The following MALT1 variants were observed in gnomAD, a reference collection of about 807,000 sequenced individuals.
MALT1 encodes MALT1 paracaspase.
MALT1 carries 36 observed loss-of-function variants against 85.5 expected under a neutral mutation model. The observed-to-expected ratio is 0.42, with a 90% CI of 0.32 to 0.56. The LOEUF (loss-of-function observed/expected upper bound fraction) is 0.56. MALT1 is among the 20% of genes least tolerant of loss of function. MALT1 has a pLI of 0.10. For synonymous variants in MALT1, 359 were observed against 361.3 expected, an observed-to-expected ratio of 0.99 and a Z score of 0.07; for missense variants, 716 against 981.6, an observed-to-expected ratio of 0.73 and a Z score of 3.62.
At chr18:58,733,367 C>G (rs2055179740) in intron 10 of MALT1, 30 bp from the exon 11 acceptor site, 1 of 1,446,728 alleles carries the variant, frequency 6.9e-7, no homozygotes, top group Non-Finnish European at 9.5e-7. Flanking sequence ...GAATTGACAT[C>G]TATCTCTCTC....
rs2055477398 is a variant in MALT1, at chr18:58,753,718, CAAT to C, written c.*5877_*5879del. On this transcript the variant is annotated 3_prime_UTR_variant, in exon 17 of 17. Coordinates refer to ENST00000649217, the MANE Select transcript of MALT1 (RefSeq NM_006785.4). ...TGTCTTGCAGATTTTACACAGTGAA[CAAT>C]GACTGTATAATTTTAAAATACAGAT... 2 of 152,178 alleles carry C rather than the reference CAAT, an allele frequency of 1.3e-5. No homozygotes were observed. The highest frequency in any genetic ancestry group is 4.8e-5 in the African/African-American group (2 of 41,446). 9.4% of individuals were successfully genotyped at this position (152,178 alleles called of 1,614,324 possible).
rs761727686 is a variant in MALT1 at position 58,733,784 on chromosome 18, AG to A, written c.1400+211del. On this transcript the variant is annotated intron_variant, in intron 11 of 16. Transcript: ENST00000649217. Reference sequence around the variant, plus strand: ...CATATTTGCTATAGAACACAAATGAAGAACTAAAGGGCATGGGCATTTACTC... The same window carrying A: ...CATATTTGCTATAGAACACAAATGAAAACTAAAGGGCATGGGCATTTACTC... 749 of 782,794 alleles carry A rather than the reference AG, an allele frequency of 9.6e-4. 2 individuals carry two copies. Among genetic ancestry groups the A allele is most frequent in the South Asian group, 2.0e-3 (84 of 42,862 alleles). The allele number at this position is 782,794 out of a possible 1,614,324, so 48.5% of individuals were successfully genotyped here.
chr18:58,672,502 C>G (rs2054179255), intron 1 of MALT1: 1 of 152,096 alleles, frequency 6.6e-6, no homozygotes, highest in Admixed American at 6.5e-5. Context: ...TCTCGAGACT[C>G]CTTTACCCTC....
intron 2 of MALT1, among the ~76,000 whole-genome samples, chr18:58,685,281 G>A (rs1017688581): frequency 6.6e-5 from 10 of 152,150 alleles, no homozygotes; most frequent in Non-Finnish European, 1.2e-4. Context: ...GTTATGCTGT[G>A]AACTGGCCTT....
At chr18:58,688,386 A>T (rs1240249849) in intron 2 of MALT1, among the ~76,000 whole-genome samples, 4 of 151,868 alleles carry the variant, frequency 2.6e-5, no homozygotes, top group African/African-American at 9.7e-5. Flanking sequence ...TTAGATGTAC[A>T]TTAAAAGCTA....
intron 7 of MALT1, 41 bp from the exon 8 acceptor site, chr18:58,714,042 T>C (rs1156505589): frequency 1.1e-6 from 1 of 939,956 alleles, no homozygotes; most frequent in Non-Finnish European, 1.7e-6. Flanking sequence ...GCTAAATTGG[T>C]GTTTAGATTA....
chr18:58,751,465 T>C lies in MALT1; in HGVS notation c.*3623T>C, dbSNP rs1401470224. 1 of 151,998 alleles carries C rather than the reference T, an allele frequency of 6.6e-6. No individual in the cohort carries two copies. The highest frequency in any genetic ancestry group is 2.4e-5 in the African/African-American group (1 of 41,378). 9.4% of individuals were successfully genotyped at this position (151,998 alleles called of 1,614,324 possible). On this transcript the variant is annotated 3_prime_UTR_variant, in exon 17 of 17. Coordinates refer to ENST00000649217, the MANE Select transcript of MALT1 (RefSeq NM_006785.4). ...TGGAGTGCAGCGACATAGTCTCAGC[T>C]CACTGCAGCATCCGTGGAGGCTGAA...
At chr18:58,698,054 G>GTTTTGTT (rs777617630) in intron 3 of MALT1, among the ~76,000 whole-genome samples, 8 of 129,362 alleles carry the variant, frequency 6.2e-5, no homozygotes, top group African/African-American at 2.6e-4. Flanking sequence ...TGTTGTTGTT[G>GTTTTGTT]TTGTTTTGTT....
Position 58,747,680 on chromosome 18 carries a change from T to A in MALT1, c.2313T>A (p.Val771=). 1 of 1,614,206 alleles carries A rather than the reference T, an allele frequency of 6.2e-7. No individual in the cohort carries two copies. Among genetic ancestry groups the A allele is most frequent in the Non-Finnish European group, 8.5e-7 (1 of 1,180,038 alleles). The change falls in exon 17 of 17, where the codon GTT becomes GTA. Residue 771 remains valine, a synonymous_variant. Coordinates refer to ENST00000649217, the MANE Select transcript of MALT1 (RefSeq NM_006785.4). ...YHSHPGNPSN[V]TPADSCHCSR... ...CACATCCTGGTAATCCAAGTAATGT[T>A]ACACCAGCAGATAGCTGTCATTGCA...
At chr18:58,712,279 C>T (rs1186398765) in intron 7 of MALT1, among the ~76,000 whole-genome samples, 1 of 151,904 alleles carries the variant, frequency 6.6e-6, no homozygotes, top group Non-Finnish European at 1.5e-5. Context: ...GAACAGTGTC[C>T]TTTATTATAT....
chr18:58,735,822 C>T (rs978740564), intron 13 of MALT1, among the ~76,000 whole-genome samples: 4 of 152,080 alleles, frequency 2.6e-5, no homozygotes, highest in African/African-American at 7.2e-5. Context: ...GTTTTTAAAT[C>T]CTGATTTAAG....
chr18:58,747,310 T>G, intron 16 of MALT1, 95 bp from the exon 17 acceptor site: 8 of 765,568 alleles, frequency 1.0e-5, no homozygotes, highest in African/African-American at 1.7e-5. Context: ...AGTGAGTGGA[T>G]TTTTGGGGGT....
intron 2 of MALT1, chr18:58,691,368 C>T (rs1472615684): frequency 3.7e-6 from 3 of 817,814 alleles, no homozygotes; most frequent in Non-Finnish European, 5.7e-6. Flanking sequence ...TGCCCTGGCT[C>T]AGGCCCAGCT....
chr18:58,705,732 C>T (rs1306964202), intron 4 of MALT1, among the ~76,000 whole-genome samples: 1 of 151,862 alleles, frequency 6.6e-6, no homozygotes. Flanking sequence ...CATTGTTGGA[C>T]ATTTGGGTTG....
At chr18:58,732,516 ATC>A (rs1255522160) in intron 10 of MALT1, among the ~76,000 whole-genome samples, 1 of 152,196 alleles carries the variant, frequency 6.6e-6, no homozygotes, top group African/African-American at 2.4e-5. Flanking sequence ...CAGATTTCCC[ATC>A]TCTGATTATA....
chr18:58,712,647 T>C (rs2054846744), intron 7 of MALT1, among the ~76,000 whole-genome samples: 1 of 152,118 alleles, frequency 6.6e-6, no homozygotes, highest in African/African-American at 2.4e-5. Context: ...AGGTAACAGC[T>C]ATTTACCATG....
At chr18:58,742,532 C>T (rs1013212824) in intron 14 of MALT1, among the ~76,000 whole-genome samples, 3 of 152,102 alleles carry the variant, frequency 2.0e-5, no homozygotes, top group African/African-American at 7.2e-5. Context: ...CATGGCAAAA[C>T]CTCGTCTCTA....
intron 9 of MALT1, among the ~76,000 whole-genome samples, chr18:58,722,024 C>T (rs1045630401): frequency 6.6e-6 from 1 of 152,122 alleles, no homozygotes; most frequent in Non-Finnish European, 1.5e-5. Flanking sequence ...GTGCTGCACA[C>T]GCCCCACTGT....
intron 1 of MALT1, chr18:58,672,820 A>G (rs1026334233): frequency 2.6e-5 from 4 of 152,220 alleles, no homozygotes; most frequent in Non-Finnish European, 5.9e-5. Context: ...CTGTCGCACT[A>G]TTACAGGTCA....
Sources: allele counts gnomAD v4.1 joint callset (sites outside exome capture counted in the v4.1 genomes callset), GRCh38; gene constraint gnomAD v4.1.1; transcripts MANE v1.5; gene names NCBI Gene and HGNC (gene_info 2026-07-23, HGNC 2026-07-21).